Variants in SHB observed in about 807,000 individuals in gnomAD.
The protein encoded by SHB is SH2 domain-containing adapter protein B.
SHB carries 20 observed loss-of-function variants against 52.3 expected under a neutral mutation model. The ratio of observed to expected loss-of-function variants is 0.38; its 90% CI spans 0.27 to 0.56. SHB has a LOEUF of 0.56. Among genes scored for constraint, SHB ranks in the 20% least tolerant of loss-of-function variants. SHB has a pLI of 0.71. For missense variants in SHB, 825 were observed against 723.3 expected, an observed-to-expected ratio of 1.14 and a Z score of -1.61; for synonymous variants, 397 against 316.5, an observed-to-expected ratio of 1.25 and a Z score of -2.70.
intron 1 of SHB, among the ~76,000 whole-genome samples, chr9:38,039,253 C>T (rs1270410747): frequency 1.3e-5 from 2 of 152,210 alleles, no homozygotes; most frequent in East Asian, 1.9e-4. Context: ...AACAAAAAAC[C>T]ACTTTTCTGA....
intron 1 of SHB, among the ~76,000 whole-genome samples, chr9:38,019,840 C>A (rs891774868): frequency 1.3e-5 from 2 of 152,082 alleles, no homozygotes; most frequent in African/African-American, 4.8e-5. Context: ...AGAGGAATCG[C>A]TAAATAAACT....
intron 1 of SHB, among the ~76,000 whole-genome samples, chr9:38,050,858 CAA>C (rs147210260): frequency 6.7e-6 from 1 of 149,780 alleles, no homozygotes; most frequent in Non-Finnish European, 1.5e-5. Context: ...CAGGCAGATA[CAA>C]AAAAAAAGAG....
At chr9:37,973,443 G>A (rs111844915) in intron 3 of SHB, among the ~76,000 whole-genome samples, 6,100 of 152,104 alleles carry the variant, frequency 0.04, 260 homozygotes, top group African/African-American at 0.11. Flanking sequence ...GGCTGGTCTC[G>A]AACTCCCAAC....
chr9:38,000,912 CCTCT>C (rs1821005090), intron 2 of SHB, among the ~76,000 whole-genome samples: 2 of 152,156 alleles, frequency 1.3e-5, no homozygotes, highest in African/African-American at 2.4e-5. Context: ...AGTCCCTTAG[CCTCT>C]CTGAGACCTC....
intron 2 of SHB, among the ~76,000 whole-genome samples, chr9:37,997,842 C>T (rs1255369502): frequency 6.6e-6 from 1 of 152,246 alleles, no homozygotes; most frequent in African/African-American, 2.4e-5. Context: ...ACAGCAGCTT[C>T]TCACTGTGTG....
chr9:38,033,742 ACT>A (rs970816943), intron 1 of SHB, among the ~76,000 whole-genome samples: 5 of 151,708 alleles, frequency 3.3e-5, no homozygotes, highest in African/African-American at 1.2e-4. Context: ...CCTCTCCATA[ACT>A]CTCAGTCTTA....
At chr9:37,947,790 TGGGACAGAGA>T (rs1430126108) in intron 5 of SHB, among the ~76,000 whole-genome samples, 1 of 152,202 alleles carries the variant, frequency 6.6e-6, no homozygotes, top group Non-Finnish European at 1.5e-5. Flanking sequence ...CAGCGGTAAG[TGGGACAGAGA>T]GGATGCCAGG....
At chr9:37,976,371 TC>T (rs1431177898) in intron 2 of SHB, among the ~76,000 whole-genome samples, 23 of 152,158 alleles carry the variant, frequency 1.5e-4, no homozygotes, top group Admixed American at 9.2e-4. Flanking sequence ...AACGTACAGT[TC>T]AGTGGCATTA....
At chr9:38,051,320 G>A (rs1367877103) in intron 1 of SHB, among the ~76,000 whole-genome samples, 1 of 151,824 alleles carries the variant, frequency 6.6e-6, no homozygotes, top group Non-Finnish European at 1.5e-5. Flanking sequence ...GCGCATGCCT[G>A]TAATCTCAGC....
Position 37,919,938 on chromosome 9 carries a change from G to A in SHB, c.1413C>T (p.Asn471=). 2 of 1,614,084 alleles carry A rather than the reference G, an allele frequency of 1.2e-6. No individual in the cohort carries two copies. The highest frequency in any genetic ancestry group is 1.3e-5 in the African/African-American group (1 of 75,046). ...KTKEKYVLGQ[N]SPPFDSVPEV... Reference sequence around the variant, plus strand: ...CCGGGACACTGTCGAACGGAGGGCTGTTCTGACCCAGAACGTATTTCTCTT... The same window carrying A: ...CCGGGACACTGTCGAACGGAGGGCTATTCTGACCCAGAACGTATTTCTCTT... Residue 471 remains asparagine (N), a synonymous_variant, in exon 6 of 6, where the codon AAC becomes AAT. Coordinates refer to ENST00000377707, the MANE Select transcript of SHB (RefSeq NM_003028.3).
At chr9:37,978,343 A>G (rs754310695) in intron 2 of SHB, among the ~76,000 whole-genome samples, 2 of 152,216 alleles carry the variant, frequency 1.3e-5, no homozygotes, top group Non-Finnish European at 2.9e-5. Flanking sequence ...AGGGGATGTT[A>G]TAACGGTAAT....
intron 1 of SHB, among the ~76,000 whole-genome samples, chr9:38,040,395 A>G (rs1045328215): frequency 7.2e-5 from 11 of 152,104 alleles, no homozygotes; most frequent in Admixed American, 1.3e-4. Flanking sequence ...CGTTATCCCT[A>G]AAGGGGGGGC....
At chr9:37,950,966 T>G (rs985403612) in intron 4 of SHB, among the ~76,000 whole-genome samples, 2 of 152,196 alleles carry the variant, frequency 1.3e-5, no homozygotes, top group African/African-American at 4.8e-5. Context: ...TCTCAGAGTG[T>G]CCTGCAAACC....
intron 1 of SHB, among the ~76,000 whole-genome samples, chr9:38,046,523 T>A (rs1821653927): frequency 6.6e-6 from 1 of 152,220 alleles, no homozygotes; most frequent in African/African-American, 2.4e-5. Flanking sequence ...ACCACATTCC[T>A]CTGAACATCT....
At position 37,948,774 on chromosome 9, in the gene SHB, T is replaced by C. The variant is rs760714651; in HGVS notation, c.1227-20A>G. 1 of 1,612,910 alleles carries C rather than the reference T, an allele frequency of 6.2e-7. No individual in the cohort carries two copies. The highest frequency in any genetic ancestry group is 8.5e-7 in the Non-Finnish European group (1 of 1,179,766). ...TACCATCTGTGGAGAGGGCAGAGAG[T>C]GGTCAGAGCCCAGCGCGATGGGATT... On this transcript the variant is annotated intron_variant, in intron 4 of 5. Coordinates refer to ENST00000377707, the MANE Select transcript of SHB (RefSeq NM_003028.3).
At chr9:37,925,681 CTATTT>C (rs1832240362) in intron 5 of SHB, among the ~76,000 whole-genome samples, 1 of 152,184 alleles carries the variant, frequency 6.6e-6, no homozygotes, top group South Asian at 2.1e-4. Context: ...TCTTGTTGGG[CTATTT>C]TATTTTGCTA....
chr9:37,990,385 G>C (rs1187471994), intron 2 of SHB, among the ~76,000 whole-genome samples: 5 of 152,054 alleles, frequency 3.3e-5, no homozygotes, highest in Non-Finnish European at 7.4e-5. Context: ...CCACCTCTGG[G>C]GGTCAAGTTC....
chr9:38,050,149 C>G (rs1419696588), intron 1 of SHB, among the ~76,000 whole-genome samples: 1 of 152,222 alleles, frequency 6.6e-6, no homozygotes, highest in Admixed American at 6.5e-5. Context: ...GTCCCCAAGT[C>G]TCACCCTGTA....
chr9:37,943,409 G>A (rs566957592), intron 5 of SHB, among the ~76,000 whole-genome samples: 167 of 152,274 alleles, frequency 1.1e-3, no homozygotes, highest in African/African-American at 3.6e-3. Flanking sequence ...GACACTGGAC[G>A]GGGCAGAGCT....
Sources: allele counts gnomAD v4.1 joint callset (sites outside exome capture counted in the v4.1 genomes callset), GRCh38; gene constraint gnomAD v4.1.1; transcripts MANE v1.5; gene names NCBI Gene and HGNC (gene_info 2026-07-23, HGNC 2026-07-21).